The following SEL1L2 variants were observed in gnomAD, a reference collection of about 807,000 sequenced individuals.
SEL1L2 encodes protein sel-1 homolog 2.
SEL1L2 carries 89 observed loss-of-function variants against 98.8 expected under a neutral mutation model. The observed-to-expected ratio is 0.90, with a 90% confidence interval of 0.76 to 1.07. SEL1L2 has a LOEUF of 1.07. Among genes scored for constraint, SEL1L2 ranks in the 50% least tolerant of loss-of-function variants. SEL1L2 has a pLI of 0.00. For synonymous variants in SEL1L2, 262 were observed against 278.5 expected, an observed-to-expected ratio of 0.94 and a Z score of 0.59; for missense variants, 788 against 812.0, an observed-to-expected ratio of 0.97 and a Z score of 0.36.
upstream of SEL1L2, among the ~76,000 whole-genome samples, chr20:13,993,503 AATGCC>A (rs1465869192): frequency 1.3e-5 from 2 of 152,226 alleles, no homozygotes; most frequent in African/African-American, 2.4e-5. Context: ...TGCTGGAACA[AATGCC>A]CTCTACATAC....
chr20:13,993,894 C>A (rs1181582688), upstream of SEL1L2, among the ~76,000 whole-genome samples: 1 of 152,130 alleles, frequency 6.6e-6, no homozygotes, highest in East Asian at 1.9e-4. Flanking sequence ...TAATCAAAGA[C>A]CTCTTTCTAT....
chr20:13,869,623 C>T, intron 13 of SEL1L2, 33 bp from the exon 14 acceptor site: 1 of 1,550,742 alleles, frequency 6.4e-7, no homozygotes, highest in Non-Finnish European at 8.9e-7. Flanking sequence ...TACTCAAAGG[C>T]ACAAGTAAAA....
At chr20:13,949,553 A>AC (rs1467027205) in intron 2 of SEL1L2, among the ~76,000 whole-genome samples, 1 of 152,074 alleles carries the variant, frequency 6.6e-6, no homozygotes, top group African/African-American at 2.4e-5. Flanking sequence ...AGTCCCAGCT[A>AC]TCGGGAGGCT....
intron 3 of SEL1L2, among the ~76,000 whole-genome samples, chr20:13,927,138 T>C (rs2048940541): frequency 6.6e-6 from 1 of 152,230 alleles, no homozygotes; most frequent in Non-Finnish European, 1.5e-5. Context: ...GAAAAGGTAA[T>C]GGATGGGAAA....
At chr20:13,962,507 G>A (rs946347451) in intron 1 of SEL1L2, among the ~76,000 whole-genome samples, 2 of 152,184 alleles carry the variant, frequency 1.3e-5, no homozygotes, top group Non-Finnish European at 2.9e-5. Flanking sequence ...CTGCATGAGA[G>A]TGAGTCCAGA....
intron 18 of SEL1L2, among the ~76,000 whole-genome samples, chr20:13,851,977 A>C (rs953049349): frequency 6.6e-6 from 1 of 152,224 alleles, no homozygotes; most frequent in Non-Finnish European, 1.5e-5. Flanking sequence ...GTTCTTGCTT[A>C]AAATACAATT....
At chr20:13,970,607 C>T (rs1038704152) in intron 1 of SEL1L2, among the ~76,000 whole-genome samples, 3 of 152,048 alleles carry the variant, frequency 2.0e-5, no homozygotes, top group Non-Finnish European at 4.4e-5. Flanking sequence ...CTGAGGTGGG[C>T]AGATCACCTG....
intron 2 of SEL1L2, among the ~76,000 whole-genome samples, chr20:13,945,746 C>A (rs2049978746): frequency 6.6e-6 from 1 of 151,890 alleles, no homozygotes. Context: ...TTACCATGAC[C>A]AAGTGGGATT....
chr20:13,971,557 C>A (rs959004876), intron 1 of SEL1L2, among the ~76,000 whole-genome samples: 10 of 151,898 alleles, frequency 6.6e-5, no homozygotes, highest in African/African-American at 2.4e-4. Flanking sequence ...TCCTGAGTAG[C>A]TGGGACCACA....
chr20:13,868,606 C>CT (rs1259507156), intron 14 of SEL1L2, among the ~76,000 whole-genome samples: 13,463 of 138,562 alleles, frequency 0.097, 943 homozygotes, highest in African/African-American at 0.17. Flanking sequence ...TTCTTTCTTA[C>CT]TTTTTTTTTT....
intron 1 of SEL1L2, among the ~76,000 whole-genome samples, chr20:13,987,122 C>T (rs911420778): frequency 2.0e-5 from 3 of 151,942 alleles, no homozygotes; most frequent in Non-Finnish European, 4.4e-5. Flanking sequence ...TGAGCCACCG[C>T]GCCCGGCCTC....
chr20:13,957,451 T>C (rs747168055), intron 1 of SEL1L2, among the ~76,000 whole-genome samples: 3 of 152,238 alleles, frequency 2.0e-5, no homozygotes, highest in Non-Finnish European at 4.4e-5. Context: ...CCAGTGAACT[T>C]TAGTACTTGG....
intron 18 of SEL1L2, 66 bp from the exon 19 acceptor site, chr20:13,850,385 C>G: frequency 6.5e-7 from 1 of 1,548,626 alleles, no homozygotes; most frequent in Non-Finnish European, 8.9e-7. Flanking sequence ...CACCATTGTT[C>G]ACAATATCAA....
intron 5 of SEL1L2, among the ~76,000 whole-genome samples, chr20:13,896,831 A>T (rs1376829706): frequency 6.6e-6 from 1 of 152,168 alleles, no homozygotes; most frequent in African/African-American, 2.4e-5. Flanking sequence ...TCCTCATACT[A>T]CTCAAAACAA....
chr20:13,943,873 G>A (rs1002970817), intron 2 of SEL1L2, among the ~76,000 whole-genome samples: 2 of 152,168 alleles, frequency 1.3e-5, no homozygotes, highest in African/African-American at 4.8e-5. Flanking sequence ...ATGGGGGTGT[G>A]CATGCTGATT....
intron 9 of SEL1L2, 117 bp from the exon 10 acceptor site, chr20:13,885,520 G>T: frequency 1.4e-6 from 1 of 717,440 alleles, no homozygotes; most frequent in South Asian, 1.6e-5. Flanking sequence ...GAAATGTCCT[G>T]AAAAAATCAG....
intron 3 of SEL1L2, among the ~76,000 whole-genome samples, chr20:13,930,771 C>T (rs1433243708): frequency 6.6e-6 from 1 of 152,144 alleles, no homozygotes; most frequent in African/African-American, 2.4e-5. Flanking sequence ...TCTTTCTTCT[C>T]CATAACCCAT....
intron 18 of SEL1L2, among the ~76,000 whole-genome samples, chr20:13,851,128 T>C (rs1988181563): frequency 6.6e-6 from 1 of 151,954 alleles, no homozygotes; most frequent in Non-Finnish European, 1.5e-5. Context: ...TCCCAGTTAT[T>C]TGGCACGAGA....
upstream of SEL1L2, among the ~76,000 whole-genome samples, chr20:13,992,772 G>A (rs1434935224): frequency 6.6e-6 from 1 of 152,120 alleles, no homozygotes; most frequent in East Asian, 1.9e-4. Context: ...CCAGGTTCTG[G>A]TGAGGGTCTT....
Sources: gnomAD v4.1 joint callset for allele counts (sites outside exome capture counted in the v4.1 genomes callset) on GRCh38, gnomAD v4.1.1 for gene constraint, MANE v1.5 for transcripts, NCBI Gene and HGNC (gene_info 2026-07-23, HGNC 2026-07-21) for gene names.